Variants in SEL1L observed in about 807,000 individuals in gnomAD.
SEL1L encodes SEL1L adaptor subunit of SYVN1 ubiquitin ligase.
In SEL1L, 52 loss-of-function variants were observed where a neutral mutation model predicts 109.8. That is an observed-to-expected ratio of 0.47 (90% CI 0.38 to 0.60). SEL1L has a LOEUF of 0.60. Among genes scored for constraint, SEL1L ranks in the 20% least tolerant of loss-of-function variants. The pLI is 0.00. For missense variants in SEL1L, 749 were observed against 962.2 expected, an observed-to-expected ratio of 0.78 and a Z score of 2.93; for synonymous variants, 373 against 339.6, an observed-to-expected ratio of 1.10 and a Z score of -1.08.
At position 81,487,316 on chromosome 14, in the gene SEL1L, C is replaced by A. The variant is rs116140463; in HGVS notation, c.1632+74G>T. The A allele has an allele frequency of 6.7e-4, 938 of 1,410,476 alleles. 6 individuals are homozygous for A. In the African/African-American group the frequency reaches 0.011, roughly 17 times the overall value. The allele number at this position is 1,410,476 out of a possible 1,614,324, so 87.4% of individuals were successfully genotyped here. ...CTACAGAAGAAAACATACAAAAAAA[C>A]CAGAATTGAAAGCGCAGACTTTCCT... On this transcript the variant is annotated intron_variant, in intron 16 of 20. Transcript: ENST00000336735.
At chr14:81,509,996 G>A (rs556328766) in intron 3 of SEL1L, among the ~76,000 whole-genome samples, 3 of 152,326 alleles carry the variant, frequency 2.0e-5, no homozygotes, top group Admixed American at 1.3e-4. Context: ...TCGTCAACAC[G>A]GAAGGAATTA....
At position 81,491,246 on chromosome 14, in the gene SEL1L, C is replaced by T. The variant is rs148640192; in HGVS notation, c.1255-781G>A. 5.4e-3 allele frequency among the ~76,000 whole-genome samples: 826 copies of T among 152,052 alleles called. 9 individuals are homozygous for T. Among genetic ancestry groups the T allele is most frequent in the Middle Eastern group, 0.014 (4 of 294 alleles). ...ACAAGTGGGTCTTAAGTTCAGGAAA[C>T]GAAGTAACTAAAAGGTTTACTTGAA... is the stretch of plus-strand genomic sequence containing the variant. On this transcript the variant is annotated intron_variant, in intron 12 of 20. Coordinates refer to ENST00000336735, the MANE Select transcript of SEL1L (RefSeq NM_005065.6).
chr14:81,531,827 G>A (rs761598371), intron 1 of SEL1L, among the ~76,000 whole-genome samples: 3 of 152,168 alleles, frequency 2.0e-5, no homozygotes, highest in Non-Finnish European at 4.4e-5. Context: ...ACAGGTATGA[G>A]CTGGGCCCGC....
intron 4 of SEL1L, among the ~76,000 whole-genome samples, chr14:81,504,878 A>G (rs1884172299): frequency 6.6e-6 from 1 of 152,064 alleles, no homozygotes; most frequent in South Asian, 2.1e-4. Context: ...CTCCCACCAT[A>G]TGAGACGGCT....
chr14:81,492,690 A>AT, intron 11 of SEL1L, 142 bp from the exon 12 acceptor site: 1 of 578,330 alleles, frequency 1.7e-6, no homozygotes, highest in Non-Finnish European at 3.1e-6. Context: ...AGTTGCCAAT[A>AT]TTTTGAAAGA....
chr14:81,496,254 G>A (rs371466954), intron 10 of SEL1L, among the ~76,000 whole-genome samples: 138 of 152,202 alleles, frequency 9.1e-4, no homozygotes, highest in African/African-American at 3.2e-3. Flanking sequence ...AACCTGGGAG[G>A]CGGGGCTTGC....
chr14:81,524,133 G>C (rs895190067), intron 3 of SEL1L, among the ~76,000 whole-genome samples: 2 of 152,038 alleles, frequency 1.3e-5, no homozygotes, highest in Non-Finnish European at 2.9e-5. Context: ...GGTAACAAAT[G>C]CAGGAGGAAT....
chr14:81,504,393 C>T (rs1385378663), intron 4 of SEL1L, 87 bp from the exon 5 acceptor site: 11 of 883,306 alleles, frequency 1.2e-5, no homozygotes, highest in Non-Finnish European at 1.8e-5. Flanking sequence ...GGCAGTCATA[C>T]AAACAAAATG....
intron 20 of SEL1L, among the ~76,000 whole-genome samples, chr14:81,478,632 T>C (rs565718205): frequency 1.3e-5 from 2 of 152,348 alleles, no homozygotes; most frequent in East Asian, 3.9e-4. Context: ...ACCTGACTCA[T>C]GCTACCATGC....
intron 19 of SEL1L, among the ~76,000 whole-genome samples, chr14:81,481,748 T>C (rs1439340956): frequency 6.6e-6 from 1 of 152,064 alleles, no homozygotes. Context: ...AAAAAAGTAA[T>C]GGGACCGCGT....
At chr14:81,529,310 G>GT (rs1353755703) in intron 1 of SEL1L, among the ~76,000 whole-genome samples, 1 of 152,102 alleles carries the variant, frequency 6.6e-6, no homozygotes, top group East Asian at 1.9e-4. Flanking sequence ...AAGTTGTACT[G>GT]TAAGTATATG....
rs752348511 is a variant in SEL1L at position 81,502,713 on chromosome 14, G to A, written c.777+8C>T. 1.9e-6 allele frequency: 3 copies of A among 1,612,698 alleles called. No homozygotes were observed. The highest frequency in any genetic ancestry group is 1.7e-5 in the Admixed American group (1 of 59,918). ...TGCAGAGAGATTCTTCACTGAGAATGTACTTACAGTCTGTCCCTTGGGAGA... is the reference window on the plus strand; with the variant it reads ...TGCAGAGAGATTCTTCACTGAGAATATACTTACAGTCTGTCCCTTGGGAGA... On this transcript the variant is annotated splice_region_variant and intron_variant, in intron 6 of 20. Coordinates refer to ENST00000336735, the MANE Select transcript of SEL1L (RefSeq NM_005065.6).
rs1246755794 is a variant in SEL1L at position 81,484,224 on chromosome 14, C to T, written c.2046+1G>A. 2.5e-6 allele frequency: 4 copies of T among 1,603,228 alleles called. No individual in the cohort carries two copies. Among genetic ancestry groups the T allele is most frequent in the Non-Finnish European group, 3.4e-6 (4 of 1,171,486 alleles). On this transcript the variant is annotated splice_donor_variant, in intron 19 of 20. Coordinates refer to ENST00000336735, the MANE Select transcript of SEL1L (RefSeq NM_005065.6). LOFTEE classifies it high-confidence loss of function. ...CAAACGTGTTTGGAAGCCACACTCACCTGTTTAATGCCCAGTCCTTTCTCA... is the reference window on the plus strand; with the variant it reads ...CAAACGTGTTTGGAAGCCACACTCATCTGTTTAATGCCCAGTCCTTTCTCA...
At chr14:81,519,979 C>T (rs1884846204) in intron 3 of SEL1L, among the ~76,000 whole-genome samples, 1 of 152,138 alleles carries the variant, frequency 6.6e-6, no homozygotes, top group African/African-American at 2.4e-5. Context: ...TACTTCATCT[C>T]TCAGGCAAAC....
chr14:81,500,348 C>T (rs1369014110), intron 6 of SEL1L, among the ~76,000 whole-genome samples: 2 of 152,154 alleles, frequency 1.3e-5, no homozygotes, highest in East Asian at 3.9e-4. Flanking sequence ...ATTCTCCTGC[C>T]TCAGCCTCCC....
chr14:81,487,690 T>G, intron 15 of SEL1L, 152 bp from the exon 16 acceptor site: 1 of 1,502,082 alleles, frequency 6.7e-7, no homozygotes, highest in Non-Finnish European at 8.9e-7. Context: ...TGATACAGAT[T>G]AATATAATTT....
intron 1 of SEL1L, among the ~76,000 whole-genome samples, chr14:81,533,186 AACAG>A (rs572408278): frequency 1.7e-3 from 263 of 152,310 alleles, no homozygotes; most frequent in African/African-American, 6.0e-3. Flanking sequence ...TTCGTTTTTA[AACAG>A]ACAGACCAGG....
At chr14:81,489,474 A>G (rs1340120583) in intron 13 of SEL1L, among the ~76,000 whole-genome samples, 160 bp from the exon 14 acceptor site, 2 of 152,256 alleles carry the variant, frequency 1.3e-5, no homozygotes, top group Admixed American at 1.3e-4. Context: ...CAGACTAAAC[A>G]TAATATTGAC....
Position 81,509,753 on chromosome 14 carries a change from A to T in SEL1L, c.341-3512T>A, listed in dbSNP as rs1461519977. Among the ~76,000 whole-genome samples the T allele has an allele frequency of 1.3e-5, 2 of 152,224 alleles. 1 individual carries two copies. The highest frequency in any genetic ancestry group is 2.9e-5 in the Non-Finnish European group (2 of 68,038). On this transcript the variant is annotated intron_variant, in intron 3 of 20. Transcript: ENST00000336735. ...TAATACAATCTCTTCAAGAGGGGGC[A>T]TTTGGTAATATCTGTTAAAATGTAA...
Sources: gnomAD v4.1 joint callset for allele counts (sites outside exome capture counted in the v4.1 genomes callset) on GRCh38, gnomAD v4.1.1 for gene constraint, MANE v1.5 for transcripts, NCBI Gene and HGNC (gene_info 2026-07-23, HGNC 2026-07-21) for gene names.